Variants in ANTXR2 observed in about 807,000 individuals in gnomAD.
ANTXR2 encodes ANTXR cell adhesion molecule 2.
In ANTXR2, 44 loss-of-function variants were observed where a neutral mutation model predicts 73.7. The ratio of observed to expected loss-of-function variants is 0.60; its 90% CI spans 0.47 to 0.77. ANTXR2 has a LOEUF of 0.77. Among genes scored for constraint, ANTXR2 ranks in the 30% least tolerant of loss-of-function variants. The pLI, the probability that ANTXR2 is intolerant of heterozygous loss-of-function variation, is 0.00. For missense variants in ANTXR2, 604 were observed against 592.5 expected (o/e 1.02, Z -0.20); for synonymous variants, 217 against 205.9 (o/e 1.05, Z -0.46).
chr4:79,943,680 A>G (rs1283875216), intron 16 of ANTXR2, among the ~76,000 whole-genome samples: 1 of 143,754 alleles, frequency 7.0e-6, no homozygotes, highest in Non-Finnish European at 1.5e-5. Flanking sequence ...GCACATGTAT[A>G]CATATGTAAC....
At chr4:80,020,115 C>T (rs887253266) in intron 10 of ANTXR2, among the ~76,000 whole-genome samples, 2 of 152,152 alleles carry the variant, frequency 1.3e-5, no homozygotes, top group Non-Finnish European at 2.9e-5. Context: ...TGGTGGCTCA[C>T]GCCTATAGTC....
At chr4:80,001,896 T>G (rs539678796) in intron 12 of ANTXR2, among the ~76,000 whole-genome samples, 3 of 151,806 alleles carry the variant, frequency 2.0e-5, no homozygotes, top group East Asian at 1.9e-4. Context: ...GTTTTCCATT[T>G]GCTTGGTAGA....
At chr4:79,989,087 C>T (rs990469825) in intron 12 of ANTXR2, among the ~76,000 whole-genome samples, 4 of 151,712 alleles carry the variant, frequency 2.6e-5, no homozygotes, top group Non-Finnish European at 5.9e-5. Context: ...CCTAGAGGAA[C>T]GAGGAAAACA....
At chr4:79,947,972 C>A (rs1279590415) in intron 16 of ANTXR2, among the ~76,000 whole-genome samples, 1 of 152,038 alleles carries the variant, frequency 6.6e-6, no homozygotes, top group Non-Finnish European at 1.5e-5. Flanking sequence ...TCGAGTAATA[C>A]AATAAATTGC....
chr4:79,949,737 A>G (rs1728636092), intron 16 of ANTXR2, among the ~76,000 whole-genome samples: 1 of 152,202 alleles, frequency 6.6e-6, no homozygotes, highest in South Asian at 2.1e-4. Flanking sequence ...TAAGAAAAGG[A>G]ATGCAAAATA....
intron 6 of ANTXR2, among the ~76,000 whole-genome samples, chr4:80,054,846 T>C (rs191494596): frequency 6.5e-4 from 99 of 151,438 alleles, no homozygotes; most frequent in African/African-American, 2.4e-3. Context: ...ATATTATATA[T>C]ATAATATAAT....
chr4:80,036,649 A>C (rs1483842026), intron 7 of ANTXR2, among the ~76,000 whole-genome samples: 1 of 152,026 alleles, frequency 6.6e-6, no homozygotes, highest in Non-Finnish European at 1.5e-5. Context: ...AAAATACAAA[A>C]AATGAGCCAG....
intron 16 of ANTXR2, among the ~76,000 whole-genome samples, chr4:79,935,592 T>C (rs901555657): frequency 6.6e-6 from 1 of 152,134 alleles, no homozygotes; most frequent in Non-Finnish European, 1.5e-5. Context: ...AGTCAAAACA[T>C]TAAGAAGAAG....
At chr4:80,007,250 G>A (rs1731347240) in intron 12 of ANTXR2, among the ~76,000 whole-genome samples, 1 of 152,146 alleles carries the variant, frequency 6.6e-6, no homozygotes, top group South Asian at 2.1e-4. Flanking sequence ...AAACATGAGA[G>A]CGGCGGGAAA....
chr4:79,925,280 C>T (rs1727739199), intron 16 of ANTXR2, among the ~76,000 whole-genome samples: 1 of 104,744 alleles, frequency 9.5e-6, no homozygotes, highest in South Asian at 4.7e-4. Flanking sequence ...ATTATAGTCA[C>T]TCTTTCCTTT....
intron 16 of ANTXR2, among the ~76,000 whole-genome samples, chr4:79,937,869 G>C (rs990433532): frequency 6.9e-6 from 1 of 144,120 alleles, no homozygotes; most frequent in South Asian, 2.4e-4. Flanking sequence ...GTGTGTGTGC[G>C]CACCGTGCAC....
chr4:80,053,766 A>G (rs940888642), intron 7 of ANTXR2, among the ~76,000 whole-genome samples: 6 of 151,858 alleles, frequency 4.0e-5, no homozygotes, highest in African/African-American at 1.4e-4. Context: ...AGACAGCACA[A>G]CTGAATTCCA....
intron 10 of ANTXR2, among the ~76,000 whole-genome samples, chr4:80,021,074 G>A (rs1450424366): frequency 4.0e-5 from 6 of 149,038 alleles, no homozygotes; most frequent in Non-Finnish European, 8.9e-5. Context: ...ACTTGAACCC[G>A]GGAGGCAGAG....
chr4:79,982,851 T>C (rs951535225), intron 14 of ANTXR2, among the ~76,000 whole-genome samples: 8 of 152,186 alleles, frequency 5.3e-5, no homozygotes, highest in Non-Finnish European at 8.8e-5. Flanking sequence ...AGATGACCTA[T>C]ATAAACACTT....
chr4:79,978,783 G>A (rs962531094), intron 14 of ANTXR2, among the ~76,000 whole-genome samples: 1 of 152,194 alleles, frequency 6.6e-6, no homozygotes, highest in Non-Finnish European at 1.5e-5. Context: ...CAATTGGTTA[G>A]AATTTTACAA....
intron 12 of ANTXR2, among the ~76,000 whole-genome samples, chr4:79,988,947 A>G (rs557235752): frequency 6.6e-6 from 1 of 152,290 alleles, no homozygotes; most frequent in Non-Finnish European, 1.5e-5. Context: ...TTTGAAACCA[A>G]TGAAAACAAA....
At chr4:80,027,888 G>A (rs1732513122) in intron 10 of ANTXR2, among the ~76,000 whole-genome samples, 1 of 152,128 alleles carries the variant, frequency 6.6e-6, no homozygotes, top group South Asian at 2.1e-4. Context: ...AAACTGTGAG[G>A]CTAGTGCCCT....
chr4:80,046,035 G>T (rs1485437496), intron 7 of ANTXR2, among the ~76,000 whole-genome samples: 1 of 151,666 alleles, frequency 6.6e-6, no homozygotes, highest in East Asian at 1.9e-4. Flanking sequence ...CTTCTGTCTT[G>T]CAAGTAAGCA....
intron 16 of ANTXR2, among the ~76,000 whole-genome samples, chr4:79,916,758 T>C (rs1257830356): frequency 6.6e-6 from 1 of 152,078 alleles, no homozygotes; most frequent in Non-Finnish European, 1.5e-5. Context: ...CTATACACCA[T>C]TGTGGAGTGA....
Sources: allele counts gnomAD v4.1 joint callset (sites outside exome capture counted in the v4.1 genomes callset), GRCh38; gene constraint gnomAD v4.1.1; transcripts MANE v1.5; gene names NCBI Gene and HGNC (gene_info 2026-07-23, HGNC 2026-07-21).